CIRSR: variants seen among roughly 807,000 people sequenced by gnomAD.
The protein encoded by CIRSR is corepressor of RBPJ and splicing regulator, also known as CBF1 (RBPJ) interacting corepressor 1.
chr2:174,357,209 T>G, the CIRSR span, among the ~76,000 whole-genome samples: 1 of 152,234 alleles, frequency 6.6e-6, no homozygotes, highest in East Asian at 1.9e-4. Context: ...TTTCCCACAT[T>G]CTGGACAGTG....
At chr2:174,393,277 A>G in the CIRSR span, among the ~76,000 whole-genome samples, 1 of 152,310 alleles carries the variant, frequency 6.6e-6, no homozygotes, top group African/African-American at 2.4e-5. Context: ...AAAAAAAAAG[A>G]ACAGCTGAAC....
the CIRSR span, among the ~76,000 whole-genome samples, chr2:174,366,777 G>A: frequency 5.3e-5 from 8 of 152,174 alleles, no homozygotes; most frequent in Admixed American, 3.3e-4. Flanking sequence ...TAAGGGATGC[G>A]AGGGAGCTAT....
chr2:174,366,147 G>GT, the CIRSR span, among the ~76,000 whole-genome samples: 1 of 152,084 alleles, frequency 6.6e-6, no homozygotes, highest in African/African-American at 2.4e-5. Context: ...TTTAAGATAT[G>GT]TCAGTGGAAA....
At chr2:174,356,531 A>AAGGAAGGACGG in the CIRSR span, among the ~76,000 whole-genome samples, 1 of 133,570 alleles carries the variant, frequency 7.5e-6, no homozygotes, top group Non-Finnish European at 1.5e-5. Context: ...AAGAAAGAAG[A>AAGGAAGGACGG]AAGGAAGGAA....
At chr2:174,384,209 G>C in the CIRSR span, among the ~76,000 whole-genome samples, 9 of 152,198 alleles carry the variant, frequency 5.9e-5, no homozygotes, top group South Asian at 2.1e-4. Flanking sequence ...ATACAGTGCT[G>C]ATACATATTA....
At chr2:174,382,983 A>C in the CIRSR span, among the ~76,000 whole-genome samples, 1 of 152,344 alleles carries the variant, frequency 6.6e-6, no homozygotes, top group South Asian at 2.1e-4. Flanking sequence ...GGATTCTATA[A>C]AGACCTGTAA....
At chr2:174,378,819 A>C in the CIRSR span, 2,386 of 869,512 alleles carry the variant, frequency 2.7e-3, 8 homozygotes, top group Middle Eastern at 6.8e-3. Context: ...AACAAGCCCC[A>C]CACACAAACC....
the CIRSR span, among the ~76,000 whole-genome samples, chr2:174,360,846 C>T: frequency 5.3e-5 from 8 of 152,246 alleles, no homozygotes; most frequent in Non-Finnish European, 1.0e-4. Flanking sequence ...AATGACTTAA[C>T]CATTGGTAAT....
the CIRSR span, among the ~76,000 whole-genome samples, chr2:174,382,499 C>T: frequency 3.3e-5 from 5 of 151,936 alleles, no homozygotes; most frequent in African/African-American, 9.7e-5. Flanking sequence ...ATTAGCCAGG[C>T]GTAGTGCTGC....
At chr2:174,354,826 G>C in the CIRSR span, among the ~76,000 whole-genome samples, 1 of 133,804 alleles carries the variant, frequency 7.5e-6, no homozygotes, top group Admixed American at 9.0e-5. Context: ...GGTCTTGAAT[G>C]CCTCAGCTCA....
At chr2:174,349,605 T>G in the CIRSR span, among the ~76,000 whole-genome samples, 12 of 149,062 alleles carry the variant, frequency 8.1e-5, no homozygotes, top group African/African-American at 2.9e-4. Context: ...TATCCATATA[T>G]GAACGCATTG....
the CIRSR span, chr2:174,348,772 T>C: frequency 1.4e-5 from 22 of 1,614,234 alleles, no homozygotes; most frequent in East Asian, 6.7e-5. Context: ...TTATGGGTTC[T>C]GGACTTTTTG....
chr2:174,383,242 G>C, the CIRSR span, among the ~76,000 whole-genome samples: 2 of 152,164 alleles, frequency 1.3e-5, no homozygotes, highest in African/African-American at 4.8e-5. Context: ...AGTGCTGAGA[G>C]GTAGAAGGAG....
At chr2:174,373,131 G>A in the CIRSR span, among the ~76,000 whole-genome samples, 1 of 152,216 alleles carries the variant, frequency 6.6e-6, no homozygotes, top group Non-Finnish European at 1.5e-5. Flanking sequence ...CACAGATGGT[G>A]AAAGTTACTG....
chr2:174,384,430 C>A, the CIRSR span, among the ~76,000 whole-genome samples: 1 of 151,878 alleles, frequency 6.6e-6, no homozygotes. Flanking sequence ...TTTGAGATAA[C>A]GAAAAAGTTT....
At chr2:174,353,187 G>A in the CIRSR span, among the ~76,000 whole-genome samples, 14 of 152,020 alleles carry the variant, frequency 9.2e-5, no homozygotes, top group Non-Finnish European at 1.5e-5. Flanking sequence ...GGAGTATGGG[G>A]GAAGTTATTA....
the CIRSR span, among the ~76,000 whole-genome samples, chr2:174,382,915 GA>G: frequency 6.6e-6 from 1 of 152,042 alleles, no homozygotes; most frequent in Non-Finnish European, 1.5e-5. Context: ...CTTATATTTG[GA>G]AAAGACAATC....
At chr2:174,360,076 G>A in the CIRSR span, among the ~76,000 whole-genome samples, 5 of 152,322 alleles carry the variant, frequency 3.3e-5, no homozygotes, top group East Asian at 7.7e-4. Context: ...GGGGGAATGG[G>A]GGAGGGATAG....
At chr2:174,374,515 T>C in the CIRSR span, among the ~76,000 whole-genome samples, 2 of 151,830 alleles carry the variant, frequency 1.3e-5, no homozygotes, top group East Asian at 1.9e-4. Context: ...AAATACAGAA[T>C]TGGCAAATAC....
Sources: allele counts gnomAD v4.1 joint callset (sites outside exome capture counted in the v4.1 genomes callset), GRCh38; gene constraint gnomAD v4.1.1; transcripts MANE v1.5; gene names NCBI Gene and HGNC (gene_info 2026-07-23, HGNC 2026-07-21).